The following PRKN variants were observed in gnomAD, a reference collection of about 807,000 sequenced individuals.
The protein encoded by PRKN is E3 ubiquitin-protein ligase parkin.
PRKN carries 56 observed loss-of-function variants against 59.5 expected under a neutral mutation model. The ratio of observed to expected loss-of-function variants is 0.94; its 90% confidence interval spans 0.76 to 1.18. The LOEUF is 1.18. PRKN is among the 50% of genes most tolerant of loss of function. The pLI is 0.00. For missense variants in PRKN, 657 were observed against 596.4 expected, an observed-to-expected ratio of 1.10 and a Z score of -1.06; for synonymous variants, 250 against 222.1, an observed-to-expected ratio of 1.13 and a Z score of -1.12.
intron 4 of PRKN, among the ~76,000 whole-genome samples, chr6:162,078,443 G>A (rs1778922854): frequency 6.6e-6 from 1 of 152,056 alleles, no homozygotes. Context: ...CACAGAGCTT[G>A]CTTGTTATCC....
chr6:161,854,583 A>T (rs949124084), intron 6 of PRKN, among the ~76,000 whole-genome samples: 1 of 152,156 alleles, frequency 6.6e-6, no homozygotes, highest in Non-Finnish European at 1.5e-5. Context: ...AACTGCACTT[A>T]CATACAGTTA....
At chr6:162,461,448 G>A (rs1413210031) in intron 1 of PRKN, among the ~76,000 whole-genome samples, 2 of 123,730 alleles carry the variant, frequency 1.6e-5, no homozygotes, top group East Asian at 2.7e-4. Flanking sequence ...GCTGCAGTGA[G>A]CTGAGATTGT....
At chr6:162,211,115 A>T (rs994025536) in intron 3 of PRKN, among the ~76,000 whole-genome samples, 5 of 152,184 alleles carry the variant, frequency 3.3e-5, no homozygotes, top group Non-Finnish European at 5.9e-5. Flanking sequence ...ACATGATAAT[A>T]ACCTTGAGTC....
rs1276628495 is a variant in PRKN, at chr6:161,423,602, C to A, written c.1084-36725G>T. Among the ~76,000 whole-genome samples the A allele has an allele frequency of 6.6e-6, 1 of 152,148 alleles. No individual in the cohort carries two copies. Among genetic ancestry groups the A allele is most frequent in the African/African-American group, 2.4e-5 (1 of 41,416 alleles). On this transcript the variant is annotated intron_variant, in intron 9 of 11. Coordinates refer to ENST00000366898, the MANE Select transcript of PRKN (RefSeq NM_004562.3). The surrounding 1 kb of genome is among the most constrained non-coding windows in gnomAD (Gnocchi z 5.9). ...ATTTAGATGACTTGTCAATCCCAAG[C>A]TGGAATTCATAAAATTGGCTGGTCT...
rs1188269485 is a variant in PRKN at position 161,413,664 on chromosome 6, C to T, written c.1084-26787G>A. 2.0e-5 allele frequency among the ~76,000 whole-genome samples: 3 copies of T among 152,172 alleles called. No individual in the cohort carries two copies. Among genetic ancestry groups the T allele is most frequent in the Non-Finnish European group, 4.4e-5 (3 of 68,040 alleles). ...ACCGGGTCCCAGGGACACCTGAGCA[C>T]GTCTCAGGGCGCCTTCTGTTCACAG... is the stretch of plus-strand genomic sequence containing the variant. On this transcript the variant is annotated intron_variant, in intron 9 of 11. Transcript: ENST00000366898. This position sits in a 1 kb window ranked among gnomAD's most constrained non-coding sequence, Gnocchi z 4.4.
chr6:161,976,036 G>C (rs1781018831), intron 5 of PRKN, among the ~76,000 whole-genome samples: 1 of 152,132 alleles, frequency 6.6e-6, no homozygotes, highest in Admixed American at 6.5e-5. Context: ...TTCCCGAGTA[G>C]CTGGGATTAC....
rs1245884403 is a variant in PRKN at position 161,385,388 on chromosome 6, T to C, written c.1167+1406A>G. ...GTCATCTCTAACTTTCTTTTTCCTA[T>C]TTTTCTGAATCCAATATTAAGGTTT... On this transcript the variant is annotated intron_variant, in intron 10 of 11. Coordinates refer to ENST00000366898, the MANE Select transcript of PRKN (RefSeq NM_004562.3). This position sits in a 1 kb window ranked among gnomAD's most constrained non-coding sequence, Gnocchi z 4.9. Among the ~76,000 whole-genome samples the C allele has an allele frequency of 1.3e-5, 2 of 152,162 alleles. No individual in the cohort carries two copies. The highest frequency in any genetic ancestry group is 2.9e-5 in the Non-Finnish European group (2 of 68,034).
chr6:162,378,513 C>T (rs1786249240), intron 2 of PRKN, among the ~76,000 whole-genome samples: 1 of 152,242 alleles, frequency 6.6e-6, no homozygotes. Flanking sequence ...AAAGCAATTT[C>T]CCACTTTTAT....
intron 2 of PRKN, among the ~76,000 whole-genome samples, chr6:162,317,360 G>C (rs2096442812): frequency 6.6e-6 from 1 of 152,026 alleles, no homozygotes; most frequent in Admixed American, 6.6e-5. Context: ...TCTCCTGCCT[G>C]TCTCCATGTA....
At chr6:161,976,105 G>A (rs1360963121) in intron 5 of PRKN, among the ~76,000 whole-genome samples, 12 of 152,036 alleles carry the variant, frequency 7.9e-5, no homozygotes, top group Admixed American at 4.6e-4. Flanking sequence ...GGGTTTCACC[G>A]TGTTGGCCAG....
intron 6 of PRKN, among the ~76,000 whole-genome samples, chr6:161,827,172 A>C (rs1198732269): frequency 6.6e-6 from 1 of 152,126 alleles, no homozygotes; most frequent in East Asian, 1.9e-4. Flanking sequence ...ACAACACCAC[A>C]TTTCTTCCCA....
At chr6:161,687,085 T>C (rs889356611) in intron 7 of PRKN, among the ~76,000 whole-genome samples, 3 of 152,078 alleles carry the variant, frequency 2.0e-5, no homozygotes, top group Non-Finnish European at 2.9e-5. Context: ...ACAATCCTCT[T>C]TTTTAAAGAA....
chr6:161,834,071 A>G (rs1475997684), intron 6 of PRKN, among the ~76,000 whole-genome samples: 1 of 152,164 alleles, frequency 6.6e-6, no homozygotes, highest in Non-Finnish European at 1.5e-5. Context: ...CGGCACAGAC[A>G]TCGTGTAAGA....
In PRKN at chr6:161,554,712, T is replaced by TTG. The variant is rs35458503; in HGVS notation, c.934-5711_934-5710dup. ...TACAATCCTGATATACATACAGGGA[T>TTG]TGTGTGTGTGTGTGTGTGTGTGTAT... On this transcript the variant is annotated intron_variant, in intron 8 of 11. Transcript: ENST00000366898. The surrounding 1 kb of genome is among the most constrained non-coding windows in gnomAD (Gnocchi z 4.5). Among the ~76,000 whole-genome samples, 10,795 of 138,726 alleles carry TTG rather than the reference T, an allele frequency of 0.078. 428 individuals carry two copies. The highest frequency in any genetic ancestry group is 0.1 in the African/African-American group (3,856 of 37,376). The allele number at this position is 138,726 out of a possible 152,430, so 91.0% of individuals were successfully genotyped here.
chr6:161,756,750 C>G (rs1788944205), intron 7 of PRKN, among the ~76,000 whole-genome samples: 1 of 152,020 alleles, frequency 6.6e-6, no homozygotes, highest in Admixed American at 6.6e-5. Context: ...AACTCTGAGT[C>G]ATAAGATAAT....
chr6:161,851,976 G>A (rs761706502), intron 6 of PRKN, among the ~76,000 whole-genome samples: 6 of 151,170 alleles, frequency 4.0e-5, no homozygotes, highest in Non-Finnish European at 5.9e-5. Context: ...GGTCCCAGCT[G>A]CTCAAGAGGC....
Position 162,690,077 on chromosome 6 carries a change from ATTAGAATGTACTCCATTAT to A in PRKN, c.7+37566_7+37584del, listed in dbSNP as rs6149897. Among the ~76,000 whole-genome samples, 13 of 146,430 alleles carry A rather than the reference ATTAGAATGTACTCCATTAT, an allele frequency of 8.9e-5. No homozygotes were observed. In the South Asian group the frequency reaches 1.8e-3, roughly 20 times the overall value. ...TTTATTTTCTTGAAGATATATTGTT[ATTAGAATGTACTCCATTAT>A]TTAGAATGTACTCCATTATTTAGAA... On this transcript the variant is annotated intron_variant, in intron 1 of 11. Transcript: ENST00000366898.
chr6:161,620,227 C>T (rs1172284780), intron 7 of PRKN, among the ~76,000 whole-genome samples: 1 of 150,660 alleles, frequency 6.6e-6, no homozygotes, highest in Non-Finnish European at 1.5e-5. Context: ...GTCTTGAACT[C>T]CTGACCTCAG....
In PRKN at chr6:161,360,140, G is replaced by A. The variant is rs781282224; in HGVS notation, c.1233C>T (p.Ile411=). 6.2e-7 allele frequency: 1 copy of A among 1,614,174 alleles called. No homozygotes were observed. Among genetic ancestry groups the A allele is most frequent in the Admixed American group, 1.7e-5 (1 of 60,028 alleles). Residue 411 remains isoleucine (I), a synonymous_variant, in exon 11 of 12, where the codon ATC becomes ATT. Coordinates refer to ENST00000366898, the MANE Select transcript of PRKN (RefSeq NM_004562.3). The surrounding 1 kb of genome is among the most constrained non-coding windows in gnomAD (Gnocchi z 5.1). ...GGGGACAGGGCTTGGTGGTTTTCTTGATGGTTTCTTTGGAGGCTGCTTCCC... is the reference window on the plus strand; with the variant it reads ...GGGGACAGGGCTTGGTGGTTTTCTTAATGGTTTCTTTGGAGGCTGCTTCCC... ...ARWEAASKET[I]KKTTKPCPRC...
Sources: allele counts gnomAD v4.1 joint callset (sites outside exome capture counted in the v4.1 genomes callset), GRCh38; gene constraint gnomAD v4.1.1; non-coding constraint Gnocchi (gnomAD v3.1); transcripts MANE v1.5; gene names NCBI Gene and HGNC (gene_info 2026-07-23, HGNC 2026-07-21).